TNR: variants seen among roughly 807,000 people sequenced by gnomAD.
TNR encodes tenascin R, also known as tenascin-R.
In TNR, 45 loss-of-function variants were observed where a neutral mutation model predicts 150.4. That is an observed-to-expected ratio of 0.30 (90% CI 0.24 to 0.38). TNR has a LOEUF of 0.38. Ranked by LOEUF, TNR falls within the 10% of genes least tolerant of loss-of-function variation. TNR has a pLI of 1.00. For missense variants in TNR, 1,544 were observed against 1,759.1 expected, an observed-to-expected ratio of 0.88 and a Z score of 2.19; for synonymous variants, 687 against 678.4, an observed-to-expected ratio of 1.01 and a Z score of -0.20.
At chr1:175,646,231 GTCAC>G (rs1027134049) in intron 1 of TNR, among the ~76,000 whole-genome samples, 1 of 152,208 alleles carries the variant, frequency 6.6e-6, no homozygotes, top group African/African-American at 2.4e-5. Context: ...GACTCAGGTA[GTCAC>G]TCTGAAAATG....
chr1:175,431,237 T>G (rs1391088723), intron 2 of TNR, among the ~76,000 whole-genome samples: 1 of 152,248 alleles, frequency 6.6e-6, no homozygotes, highest in African/African-American at 2.4e-5. Context: ...ACCTGAATCC[T>G]TTCCTTGGAA....
At chr1:175,478,038 T>C (rs1160082698) in intron 2 of TNR, among the ~76,000 whole-genome samples, 1 of 152,178 alleles carries the variant, frequency 6.6e-6, no homozygotes, top group Non-Finnish European at 1.5e-5. Flanking sequence ...GCAAATTCAC[T>C]TGGGCAAAGC....
intron 5 of TNR, among the ~76,000 whole-genome samples, chr1:175,394,840 AG>A (rs921429391): frequency 6.6e-6 from 1 of 152,188 alleles, no homozygotes; most frequent in African/African-American, 2.4e-5. Context: ...AGCTTGCCTG[AG>A]GGAATGCCCT....
At position 175,386,101 on chromosome 1, in the gene TNR, A is replaced by T; in HGVS notation, c.1708T>A (p.Tyr570Asn). Residue 570 changes from tyrosine (Y) to asparagine (N), a missense_variant, in exon 8 of 23, where the codon TAC becomes AAC. Around this residue, in one of 2 missense-constraint regions of TNR, gnomAD observed 1,254 missense variants for 1,329.4 expected, o/e 0.94. Transcript: ENST00000367674. ...CGGACGGCACTGACTGACACCTCGTATCGGGAGCCAGGCCGCAGGGCCTGC... is the reference window on the plus strand; with the variant it reads ...CGGACGGCACTGACTGACACCTCGTTTCGGGAGCCAGGCCGCAGGGCCTGC... ...SVQALRPGSR[Y>N]EVSVSAVRGT... 1 of 1,612,668 alleles carries T rather than the reference A, an allele frequency of 6.2e-7. No individual in the cohort carries two copies.
intron 1 of TNR, among the ~76,000 whole-genome samples, chr1:175,689,678 A>G (rs1219814650): frequency 6.6e-6 from 1 of 152,318 alleles, no homozygotes. Flanking sequence ...CCTCGATGCC[A>G]TCCCATTAGA....
At chr1:175,624,276 G>A (rs896111249) in intron 1 of TNR, among the ~76,000 whole-genome samples, 3 of 152,124 alleles carry the variant, frequency 2.0e-5, no homozygotes, top group Non-Finnish European at 4.4e-5. Context: ...AGATGATAGA[G>A]AGTGTGTGCT....
intron 1 of TNR, among the ~76,000 whole-genome samples, chr1:175,569,387 A>G (rs2102218004): frequency 6.6e-6 from 1 of 152,308 alleles, no homozygotes; most frequent in African/African-American, 2.4e-5. Flanking sequence ...CAAAAGAACC[A>G]AAGATTCAAT....
chr1:175,446,592 T>C (rs1557939343), intron 2 of TNR, among the ~76,000 whole-genome samples: 1 of 152,196 alleles, frequency 6.6e-6, no homozygotes, highest in Non-Finnish European at 1.5e-5. Context: ...TTATTAATAG[T>C]AGCCATTTCT....
chr1:175,425,953 G>C (rs1003985838), intron 2 of TNR, among the ~76,000 whole-genome samples: 1 of 152,190 alleles, frequency 6.6e-6, no homozygotes, highest in African/African-American at 2.4e-5. Context: ...ACAGACCTGG[G>C]TGGGCCTCAG....
At chr1:175,733,072 C>T (rs1667684079) in intron 1 of TNR, among the ~76,000 whole-genome samples, 1 of 152,200 alleles carries the variant, frequency 6.6e-6, no homozygotes, top group Non-Finnish European at 1.5e-5. Flanking sequence ...AGTTGCTGAG[C>T]CTGGCTCTGG....
intron 2 of TNR, among the ~76,000 whole-genome samples, chr1:175,451,796 T>C (rs72725405): frequency 0.058 from 8,793 of 152,256 alleles, 414 homozygotes; most frequent in East Asian, 0.22. Flanking sequence ...ACTTAGCATT[T>C]TGAACGTTGG....
intron 1 of TNR, among the ~76,000 whole-genome samples, chr1:175,715,855 TTC>T (rs1483325147): frequency 6.6e-6 from 1 of 152,208 alleles, no homozygotes; most frequent in East Asian, 1.9e-4. Flanking sequence ...TGAGCTCAGA[TTC>T]TCTGTCAGAA....
chr1:175,444,089 G>C (rs1322718338), intron 2 of TNR, among the ~76,000 whole-genome samples: 1 of 152,114 alleles, frequency 6.6e-6, no homozygotes, highest in East Asian at 1.9e-4. Flanking sequence ...GGAGGCCCCA[G>C]CCAACTTCTG....
chr1:175,380,561 ACT>A (rs756055914), intron 8 of TNR, among the ~76,000 whole-genome samples: 1 of 146,344 alleles, frequency 6.8e-6, no homozygotes, highest in Non-Finnish European at 1.5e-5. Flanking sequence ...ACAGAGTGAG[ACT>A]CTGTCTCCAA....
chr1:175,502,552 C>T (rs1658783151), intron 2 of TNR, among the ~76,000 whole-genome samples: 1 of 152,138 alleles, frequency 6.6e-6, no homozygotes, highest in Non-Finnish European at 1.5e-5. Flanking sequence ...AAGCCACATA[C>T]AAATCAGTTC....
intron 1 of TNR, among the ~76,000 whole-genome samples, chr1:175,708,862 T>C (rs1361476979): frequency 3.3e-5 from 5 of 152,188 alleles, no homozygotes; most frequent in Non-Finnish European, 5.9e-5. Flanking sequence ...TACTTACAGC[T>C]AATCAATCTG....
rs1428185525 is a variant in TNR at position 175,528,793 on chromosome 1, C to T, written c.-164-424G>A. 2.6e-5 allele frequency among the ~76,000 whole-genome samples: 4 copies of T among 152,160 alleles called. No homozygotes were observed. The East Asian group carries it at 7.7e-4, about 29-fold the overall frequency. On this transcript the variant is annotated intron_variant, in intron 1 of 22. Transcript: ENST00000367674. ...TTATGTCCTTAATGTCCTTGGCACTCTAAGCATTCCTATGTTGTGAAAATC... is the reference window on the plus strand; with the variant it reads ...TTATGTCCTTAATGTCCTTGGCACTTTAAGCATTCCTATGTTGTGAAAATC...
At chr1:175,739,097 A>G (rs762273692) in intron 1 of TNR, among the ~76,000 whole-genome samples, 9 of 152,136 alleles carry the variant, frequency 5.9e-5, no homozygotes, top group Non-Finnish European at 1.2e-4. Flanking sequence ...GGCAGAAGTG[A>G]CTCAGGAGCC....
chr1:175,488,955 T>G (rs926431005), intron 2 of TNR, among the ~76,000 whole-genome samples: 5 of 152,282 alleles, frequency 3.3e-5, no homozygotes, highest in Admixed American at 3.3e-4. Flanking sequence ...ATGTTCAGAA[T>G]TTATGGGTTT....
Sources: gnomAD v4.1 joint callset for allele counts (sites outside exome capture counted in the v4.1 genomes callset) on GRCh38, gnomAD v4.1.1 for gene constraint, gnomAD v4.1.1 regional missense constraint, MANE v1.5 for transcripts, NCBI Gene and HGNC (gene_info 2026-07-23, HGNC 2026-07-21) for gene names.